The following SLC22A16 variants were observed in gnomAD, a reference collection of about 807,000 sequenced individuals.
SLC22A16 encodes the protein solute carrier family 22 member 16.
SLC22A16 carries 53 observed loss-of-function variants against 52.9 expected under a neutral mutation model. That is an observed-to-expected ratio of 1.00 (90% confidence interval 0.80 to 1.26). The LOEUF (loss-of-function observed/expected upper bound fraction) is 1.26. Among genes scored for constraint, SLC22A16 ranks in the 50% most tolerant of loss-of-function variants. The probability of loss-of-function intolerance (pLI) is 0.00; values close to 1 mark genes in which losing one functional copy is unlikely to be tolerated. For synonymous variants in SLC22A16, 291 were observed against 268.8 expected (o/e 1.08, Z -0.81); for missense variants, 726 against 704.0 (o/e 1.03, Z -0.35).
At chr6:110,425,184 T>G in intron 7 of SLC22A16, 99 bp from the exon 8 acceptor site, 1 of 1,544,764 alleles carries the variant, frequency 6.5e-7, no homozygotes, top group East Asian at 2.3e-5. Flanking sequence ...GTAATGGATT[T>G]GAATTTGACA....
At chr6:110,433,073 T>C (rs1774570379) in intron 6 of SLC22A16, among the ~76,000 whole-genome samples, 1 of 152,162 alleles carries the variant, frequency 6.6e-6, no homozygotes, top group Non-Finnish European at 1.5e-5. Context: ...AGAAGATGTA[T>C]TTATTATTAG....
At chr6:110,464,608 A>G (rs539512847) in intron 1 of SLC22A16, among the ~76,000 whole-genome samples, 2 of 152,124 alleles carry the variant, frequency 1.3e-5, no homozygotes, top group East Asian at 1.9e-4. Flanking sequence ...TTCTGAACAG[A>G]CCAATAACGA....
intron 1 of SLC22A16, among the ~76,000 whole-genome samples, chr6:110,460,544 C>A (rs771499338): frequency 6.6e-6 from 1 of 152,036 alleles, no homozygotes; most frequent in Non-Finnish European, 1.5e-5. Context: ...TGTGGGAGAG[C>A]CCCTCTGCCT....
chr6:110,442,146 A>T, intron 4 of SLC22A16, 98 bp downstream of exon 4: 1 of 1,220,978 alleles, frequency 8.2e-7, no homozygotes, highest in Admixed American at 2.6e-5. Context: ...CCTATTAAAA[A>T]CATTCTTTTT....
chr6:110,440,069 G>T (rs1252647340), intron 4 of SLC22A16: 1 of 152,184 alleles, frequency 6.6e-6, no homozygotes, highest in Non-Finnish European at 1.5e-5. Context: ...CGTAGAAACA[G>T]ATCTGATCAG....
At chr6:110,455,550 G>A (rs1055654645) in intron 2 of SLC22A16, 2 of 152,166 alleles carry the variant, frequency 1.3e-5, no homozygotes, top group Non-Finnish European at 2.9e-5. Context: ...CAACTATGGA[G>A]ACCAAATAAG....
intron 6 of SLC22A16, among the ~76,000 whole-genome samples, chr6:110,435,225 G>C (rs1456444832): frequency 6.6e-6 from 1 of 152,160 alleles, no homozygotes; most frequent in Non-Finnish European, 1.5e-5. Context: ...GGTATTTGTA[G>C]ATAAGGTCTT....
chr6:110,434,076 A>C (rs1774617023), intron 6 of SLC22A16, among the ~76,000 whole-genome samples: 1 of 152,062 alleles, frequency 6.6e-6, no homozygotes, highest in Non-Finnish European at 1.5e-5. Flanking sequence ...CCCTGTCTCT[A>C]CTAAAATACA....
In SLC22A16 at chr6:110,457,022, A is replaced by G; in HGVS notation, c.54-5T>C. 1 of 1,517,720 alleles carries G rather than the reference A, an allele frequency of 6.6e-7. No individual in the cohort carries two copies. Among genetic ancestry groups the G allele is most frequent in the Non-Finnish European group, 8.8e-7 (1 of 1,135,482 alleles). The allele number at this position is 1,517,720 out of a possible 1,614,324, so 94.0% of individuals were successfully genotyped here. A position where few individuals can be genotyped will look rare whatever the true frequency, so the allele number is the denominator to read the frequency against. On this transcript the variant is annotated splice_polypyrimidine_tract_variant and splice_region_variant and intron_variant, in intron 1 of 7. Coordinates refer to ENST00000368919, the MANE Select transcript of SLC22A16 (RefSeq NM_033125.4). ...AAATAGAGGACTCTCTGGAATCTGC[A>G]AGAGAAGAAAAGCTAATTATTATAT... is the stretch of plus-strand genomic sequence containing the variant.
At chr6:110,471,453 T>G (rs1776258361) in intron 1 of SLC22A16, among the ~76,000 whole-genome samples, 1 of 152,192 alleles carries the variant, frequency 6.6e-6, no homozygotes. Flanking sequence ...GAAAGGCAAC[T>G]CATATAAGCC....
chr6:110,473,563 C>T (rs1171377756), intron 1 of SLC22A16, among the ~76,000 whole-genome samples: 1 of 112,702 alleles, frequency 8.9e-6, no homozygotes, highest in African/African-American at 3.4e-5. Flanking sequence ...CTCGTTCTGT[C>T]GCCCGGGCTG....
At chr6:110,462,655 A>G (rs1014522087) in intron 1 of SLC22A16, among the ~76,000 whole-genome samples, 1 of 152,204 alleles carries the variant, frequency 6.6e-6, no homozygotes, top group Non-Finnish European at 1.5e-5. Context: ...TGTATGACTT[A>G]TATGTAATCC....
intron 6 of SLC22A16, among the ~76,000 whole-genome samples, chr6:110,432,622 C>A (rs765498570): frequency 6.6e-6 from 1 of 152,194 alleles, no homozygotes; most frequent in Non-Finnish European, 1.5e-5. Flanking sequence ...TGATTTAGAG[C>A]AGCTTCTTCC....
chr6:110,476,356 A>AGCTC, intron 1 of SLC22A16, 166 bp downstream of exon 1: 1 of 1,380,414 alleles, frequency 7.2e-7, no homozygotes, highest in Non-Finnish European at 9.3e-7. Flanking sequence ...GGAGAAGCCC[A>AGCTC]GCTAGGGGCC....
intron 5 of SLC22A16, among the ~76,000 whole-genome samples, chr6:110,437,051 T>C (rs1476222782): frequency 3.3e-5 from 5 of 152,160 alleles, no homozygotes; most frequent in Non-Finnish European, 5.9e-5. Context: ...TACAAATACA[T>C]GGAACTTTCT....
intron 6 of SLC22A16, among the ~76,000 whole-genome samples, chr6:110,435,312 G>C (rs1582527473): frequency 6.6e-6 from 1 of 152,192 alleles, no homozygotes; most frequent in Non-Finnish European, 1.5e-5. Flanking sequence ...TATATGAAGA[G>C]GGAGGGACAT....
intron 3 of SLC22A16, among the ~76,000 whole-genome samples, chr6:110,444,789 G>A (rs1775102995): frequency 2.6e-5 from 4 of 152,198 alleles, no homozygotes; most frequent in African/African-American, 9.7e-5. Context: ...GCAAGACTCA[G>A]ATCATCGGGA....
At chr6:110,475,643 T>A (rs897394609) in intron 1 of SLC22A16, among the ~76,000 whole-genome samples, 5 of 152,168 alleles carry the variant, frequency 3.3e-5, no homozygotes, top group Admixed American at 2.0e-4. Context: ...ACACAAAGTA[T>A]CTCCAGAATC....
chr6:110,426,674 G>T (rs577572298), intron 7 of SLC22A16, among the ~76,000 whole-genome samples: 1 of 152,156 alleles, frequency 6.6e-6, no homozygotes, highest in Non-Finnish European at 1.5e-5. Context: ...AAAGGGCTGG[G>T]CATGGTGGCT....
Sources: allele counts gnomAD v4.1 joint callset (sites outside exome capture counted in the v4.1 genomes callset), GRCh38; gene constraint gnomAD v4.1.1; transcripts MANE v1.5; gene names NCBI Gene and HGNC (gene_info 2026-07-23, HGNC 2026-07-21).